The following GRM7 variants were observed in gnomAD, a reference collection of about 807,000 sequenced individuals.
GRM7 encodes metabotropic glutamate receptor 7.
In GRM7, 35 loss-of-function variants were observed where a neutral mutation model predicts 84.5. That is an observed-to-expected ratio of 0.41 (90% CI 0.32 to 0.55). GRM7 has a LOEUF of 0.55. GRM7 is among the 20% of genes least tolerant of loss of function. GRM7 has a pLI of 0.19. For missense variants in GRM7, 1,003 were observed against 1,194.6 expected, an observed-to-expected ratio of 0.84 and a Z score of 2.36; for synonymous variants, 487 against 455.1, an observed-to-expected ratio of 1.07 and a Z score of -0.89.
At chr3:6,944,723 C>T (rs367859356) in intron 1 of GRM7, among the ~76,000 whole-genome samples, 4 of 152,194 alleles carry the variant, frequency 2.6e-5, no homozygotes, top group Admixed American at 6.5e-5. Context: ...GCCCTCCTCA[C>T]GTTTTCGAAC....
At chr3:7,469,786 A>G (rs1408402096) in intron 7 of GRM7, among the ~76,000 whole-genome samples, 1 of 152,188 alleles carries the variant, frequency 6.6e-6, no homozygotes, top group Non-Finnish European at 1.5e-5. Flanking sequence ...ATATTTTACA[A>G]AATATATTTA....
chr3:7,331,102 C>G (rs1338861528), intron 4 of GRM7, among the ~76,000 whole-genome samples: 3 of 152,196 alleles, frequency 2.0e-5, no homozygotes, highest in Non-Finnish European at 2.9e-5. Context: ...AGAACAAAAA[C>G]TCCACAAGAT....
intron 4 of GRM7, among the ~76,000 whole-genome samples, chr3:7,350,906 T>C (rs1289671734): frequency 6.6e-6 from 1 of 152,058 alleles, no homozygotes; most frequent in Non-Finnish European, 1.5e-5. Context: ...CAAGACAATA[T>C]GACCAAATGA....
At chr3:7,572,987 T>C (rs1263150916) in intron 7 of GRM7, among the ~76,000 whole-genome samples, 1 of 149,926 alleles carries the variant, frequency 6.7e-6, no homozygotes, top group Non-Finnish European at 1.5e-5. Context: ...ATGTTTTTTA[T>C]TGTAATATAG....
intron 4 of GRM7, among the ~76,000 whole-genome samples, chr3:7,376,202 G>A (rs1157493944): frequency 6.6e-6 from 1 of 152,026 alleles, no homozygotes; most frequent in Non-Finnish European, 1.5e-5. Context: ...CATGGTTCTC[G>A]CTGACTGCAT....
chr3:7,307,962 C>T (rs947165725), intron 4 of GRM7, among the ~76,000 whole-genome samples: 3 of 152,014 alleles, frequency 2.0e-5, no homozygotes, highest in Non-Finnish European at 4.4e-5. Flanking sequence ...AGAGAGTTAC[C>T]ATGGAGGCTT....
intron 7 of GRM7, among the ~76,000 whole-genome samples, chr3:7,543,581 T>G (rs73019806): frequency 0.037 from 5,635 of 152,294 alleles, 129 homozygotes; most frequent in Non-Finnish European, 0.045. Context: ...CCTGCCCCTT[T>G]CAGATAATAG....
At chr3:7,483,837 T>C (rs1699222885) in intron 7 of GRM7, among the ~76,000 whole-genome samples, 1 of 151,930 alleles carries the variant, frequency 6.6e-6, no homozygotes, top group Non-Finnish European at 1.5e-5. Context: ...AATACTATAT[T>C]ATTTAGGAAT....
At chr3:7,153,204 T>C (rs1390841234) in intron 2 of GRM7, among the ~76,000 whole-genome samples, 2 of 150,814 alleles carry the variant, frequency 1.3e-5, no homozygotes, top group Non-Finnish European at 3.0e-5. Flanking sequence ...TATTTTCTGA[T>C]TTTGTTTCCC....
chr3:7,120,326 T>G (rs1329989646), intron 1 of GRM7, among the ~76,000 whole-genome samples: 1 of 152,114 alleles, frequency 6.6e-6, no homozygotes, highest in Admixed American at 6.6e-5. Context: ...ATTGTGAAAC[T>G]CTACCTTAAT....
intron 2 of GRM7, among the ~76,000 whole-genome samples, chr3:7,273,952 C>CT (rs1036865957): frequency 2.6e-5 from 4 of 151,678 alleles, no homozygotes; most frequent in African/African-American, 7.3e-5. Context: ...TTTTTATCTT[C>CT]TTTTTTTGTC....
intron 8 of GRM7, among the ~76,000 whole-genome samples, chr3:7,624,801 G>A (rs1697529909): frequency 6.6e-6 from 1 of 152,116 alleles, no homozygotes; most frequent in African/African-American, 2.4e-5. Context: ...GTTCCTCTGT[G>A]TCTTTTCAAA....
At chr3:7,187,002 G>A (rs57576272) in intron 2 of GRM7, among the ~76,000 whole-genome samples, 1,972 of 152,152 alleles carry the variant, frequency 0.013, 48 homozygotes, top group African/African-American at 0.044. Flanking sequence ...GAGGATCACT[G>A]GAGCCTAGGC....
rs1006982763 is a variant in GRM7 at position 7,348,036 on chromosome 3, A to G, written c.1033+41384A>G. On this transcript the variant is annotated intron_variant, in intron 4 of 9. Coordinates refer to ENST00000357716, the MANE Select transcript of GRM7 (RefSeq NM_000844.4). ...GGGAAACTGAGGCACTTAGCAGATG[A>G]CTCATCCCAAGGTCAGCCTAGTGGT... Among the ~76,000 whole-genome samples the G allele has an allele frequency of 9.9e-5, 15 of 152,124 alleles. 1 individual carries two copies. The highest frequency in any genetic ancestry group is 3.6e-4 in the African/African-American group (15 of 41,440).
intron 8 of GRM7, chr3:7,636,135 T>C (rs1034131378): frequency 3.0e-5 from 13 of 431,944 alleles, no homozygotes; most frequent in Non-Finnish European, 5.2e-5. Flanking sequence ...GTTGTTCATT[T>C]TGATGCATGT....
At chr3:7,272,906 CT>C (rs534472237) in intron 2 of GRM7, among the ~76,000 whole-genome samples, 16 of 151,796 alleles carry the variant, frequency 1.1e-4, no homozygotes, top group African/African-American at 3.6e-4. Flanking sequence ...TTAATTGCCT[CT>C]TTTTTTCTAG....
At chr3:6,930,718 A>G (rs1697470483) in intron 1 of GRM7, among the ~76,000 whole-genome samples, 1 of 152,174 alleles carries the variant, frequency 6.6e-6, no homozygotes, top group South Asian at 2.1e-4. Context: ...CGTCAGCCAG[A>G]CTGATAGGTT....
At chr3:6,914,765 A>T (rs976823217) in intron 1 of GRM7, among the ~76,000 whole-genome samples, 5 of 151,936 alleles carry the variant, frequency 3.3e-5, no homozygotes, top group African/African-American at 9.7e-5. Context: ...TTTATTAACA[A>T]TTTTTTTCAG....
At chr3:7,350,665 T>C (rs1233466947) in intron 4 of GRM7, among the ~76,000 whole-genome samples, 1 of 152,100 alleles carries the variant, frequency 6.6e-6, no homozygotes, top group Middle Eastern at 3.2e-3. Flanking sequence ...ATTTAGGTCA[T>C]ACCACCAAGG....
Sources: allele counts gnomAD v4.1 joint callset (sites outside exome capture counted in the v4.1 genomes callset), GRCh38; gene constraint gnomAD v4.1.1; transcripts MANE v1.5; gene names NCBI Gene and HGNC (gene_info 2026-07-23, HGNC 2026-07-21).